MEGF11: variants seen among roughly 807,000 people sequenced by gnomAD.
The protein encoded by MEGF11 is multiple epidermal growth factor-like domains protein 11.
A neutral mutation model predicts 146.6 loss-of-function variants in MEGF11; 126 were observed. The observed-to-expected ratio is 0.86, with a 90% CI of 0.74 to 1.00. The LOEUF (loss-of-function observed/expected upper bound fraction) is 1.00. MEGF11 is among the 50% of genes least tolerant of loss of function. MEGF11 has a pLI of 0.00. For synonymous variants in MEGF11, 532 were observed against 583.4 expected, an observed-to-expected ratio of 0.91 and a Z score of 1.27; for missense variants, 1,509 against 1,521.2, an observed-to-expected ratio of 0.99 and a Z score of 0.13.
chr15:65,912,130 C>A lies in MEGF11; in HGVS notation c.2781G>T (p.Gly927=). ...NSSYHALACG[G]PATSQASTLD... is the part of the protein sequence containing the mutation. ...GAGTGCTGGCCTGGCTGGTGGCAGG[C>A]CCCCCACATGCCAGTGCGTGGTAGC... The change falls in exon 21 of 26, where the codon GGG becomes GGT. Residue 927 remains glycine (G), a synonymous_variant. Transcript: ENST00000395614. 1 of 1,232,056 alleles carries A rather than the reference C, an allele frequency of 8.1e-7. No homozygotes were observed. The highest frequency in any genetic ancestry group is 1.0e-6 in the Non-Finnish European group (1 of 987,976). 76.3% of individuals were successfully genotyped at this position (1,232,056 alleles called of 1,614,324 possible). A position where few individuals can be genotyped will look rare whatever the true frequency, so the allele number is the denominator to read the frequency against.
intron 3 of MEGF11, among the ~76,000 whole-genome samples, chr15:66,119,914 A>G (rs1054379827): frequency 3.9e-5 from 6 of 152,244 alleles, no homozygotes; most frequent in Middle Eastern, 3.4e-3. Flanking sequence ...TATGATCAAC[A>G]TCTCATTCCA....
At chr15:66,250,304 T>A (rs2092352470) in intron 1 of MEGF11, among the ~76,000 whole-genome samples, 1 of 152,218 alleles carries the variant, frequency 6.6e-6, no homozygotes, top group East Asian at 1.9e-4. Context: ...GTCAAATCTT[T>A]CACCTTGGAG....
intron 4 of MEGF11, among the ~76,000 whole-genome samples, chr15:66,111,581 G>T (rs1347813159): frequency 6.6e-6 from 1 of 152,220 alleles, no homozygotes; most frequent in Non-Finnish European, 1.5e-5. Flanking sequence ...CCCAGCGCAG[G>T]CTGGGAGCCA....
intron 4 of MEGF11, among the ~76,000 whole-genome samples, chr15:66,095,156 C>A (rs770773060): frequency 6.6e-6 from 1 of 152,228 alleles, no homozygotes; most frequent in Non-Finnish European, 1.5e-5. Flanking sequence ...GCTGCAGCCT[C>A]CTGAGGTGGG....
chr15:66,074,938 T>C (rs2085511737), intron 5 of MEGF11, among the ~76,000 whole-genome samples: 1 of 152,220 alleles, frequency 6.6e-6, no homozygotes, highest in Admixed American at 6.5e-5. Context: ...TTATTACCCG[T>C]CAAAATATGC....
intron 2 of MEGF11, among the ~76,000 whole-genome samples, chr15:66,127,032 G>C (rs1436415049): frequency 6.6e-6 from 1 of 152,200 alleles, no homozygotes; most frequent in Non-Finnish European, 1.5e-5. Flanking sequence ...TGACGCTTAT[G>C]GCCCTCAAAG....
At position 66,119,086 on chromosome 15, in the gene MEGF11, G is replaced by T. The variant is rs762525595; in HGVS notation, c.301C>A (p.Pro101Thr). The change falls in exon 4 of 26, where the codon CCC becomes ACC. Residue 101 changes from proline to threonine, a missense_variant and splice_region_variant. Coordinates refer to ENST00000395614, the MANE Select transcript of MEGF11 (RefSeq NM_001385028.1). The part of the protein sequence containing the change: ...GYYESGDFCI[P>T]LCTEECVHGR... Reference sequence around the variant, plus strand: ...CAGAACAGCAGCAGCCCCTACATACGTATGCAGAAGTCTCCGCTCTCATAG... The same window carrying T: ...CAGAACAGCAGCAGCCCCTACATACTTATGCAGAAGTCTCCGCTCTCATAG... 2.6e-5 allele frequency: 40 copies of T among 1,545,310 alleles called. 1 individual carries two copies. The South Asian group carries it at 3.9e-4, about 15-fold the overall frequency.
Position 65,964,961 on chromosome 15 carries a change from C to T in MEGF11, c.1059G>A (p.Leu353=), listed in dbSNP as rs1221184284. 6.4e-7 allele frequency: 1 copy of T among 1,573,574 alleles called. No homozygotes were observed. The highest frequency in any genetic ancestry group is 8.6e-7 in the Non-Finnish European group (1 of 1,160,062). ...RCQERLCPEG[L]HGPGCTLPCP... ...AGGGCAGGGTGCAGCCTGGGCCATGCAGGCCCTCCGGGCACAGTCGCTCCT... is the reference window on the plus strand; with the variant it reads ...AGGGCAGGGTGCAGCCTGGGCCATGTAGGCCCTCCGGGCACAGTCGCTCCT... The change falls in exon 9 of 26, where the codon CTG becomes CTA. Residue 353 remains leucine (L), a synonymous_variant. Coordinates refer to ENST00000395614, the MANE Select transcript of MEGF11 (RefSeq NM_001385028.1).
chr15:66,004,665 G>T (rs972967251), intron 5 of MEGF11, among the ~76,000 whole-genome samples: 5 of 152,014 alleles, frequency 3.3e-5, no homozygotes, highest in Non-Finnish European at 2.9e-5. Flanking sequence ...ACTGAATTTG[G>T]GGGTGGTAAG....
chr15:66,090,662 G>T lies in MEGF11; in HGVS notation c.394+3740C>A, dbSNP rs557177242. 3.9e-5 allele frequency among the ~76,000 whole-genome samples: 6 copies of T among 152,330 alleles called. No homozygotes were observed. In the East Asian group the frequency reaches 1.2e-3, roughly 29 times the overall value. ...GCAGGCCCCACGAATCTTGGAAAAA[G>T]GACGGTGGGCCTATGACAGTGAAGA... On this transcript the variant is annotated intron_variant, in intron 5 of 25. Transcript: ENST00000395614.
Position 66,052,212 on chromosome 15 carries a change from A to T in MEGF11, c.394+42190T>A, listed in dbSNP as rs528986573. ...ACTTCCTCCCTGCAACGGGCTCATC[A>T]CTCCTCATTGCTCTCCAGGTGGGGC... On this transcript the variant is annotated intron_variant, in intron 5 of 25. Transcript: ENST00000395614. Among the ~76,000 whole-genome samples, 5 of 151,346 alleles carry T rather than the reference A, an allele frequency of 3.3e-5. No homozygotes were observed. In the South Asian group the frequency reaches 1.0e-3, roughly 32 times the overall value.
chr15:65,900,758 T>G (rs1596809699), intron 24 of MEGF11, among the ~76,000 whole-genome samples: 2 of 152,328 alleles, frequency 1.3e-5, no homozygotes, highest in South Asian at 4.1e-4. Context: ...CCATCACAAT[T>G]TAGCCCAGAA....
chr15:66,072,705 T>A (rs2085418715), intron 5 of MEGF11, among the ~76,000 whole-genome samples: 1 of 152,204 alleles, frequency 6.6e-6, no homozygotes, highest in Non-Finnish European at 1.5e-5. Context: ...GCTGGTCTCC[T>A]CTGAGCTCCT....
intron 1 of MEGF11, among the ~76,000 whole-genome samples, chr15:66,156,869 T>C (rs73469749): frequency 0.022 from 3,423 of 152,160 alleles, 133 homozygotes; most frequent in African/African-American, 0.078. Context: ...GGAAATGAAC[T>C]TCCCCAGGTC....
chr15:66,061,093 T>C (rs2084888832), intron 5 of MEGF11, among the ~76,000 whole-genome samples: 1 of 152,152 alleles, frequency 6.6e-6, no homozygotes, highest in Non-Finnish European at 1.5e-5. Flanking sequence ...GACCTGGGCC[T>C]CAGGAAGGAT....
Position 65,965,032 on chromosome 15 carries a change from T to A in MEGF11, c.988A>T (p.Thr330Ser), listed in dbSNP as rs2081012432. Residue 330 changes from threonine (T) to serine (S), a missense_variant, in exon 9 of 26, where the codon ACG (threonine) becomes TCG (serine). Coordinates refer to ENST00000395614, the MANE Select transcript of MEGF11 (RefSeq NM_001385028.1). ...CHNGGQCSPT[T>S]GACECEPGYK... ...CCAGGCTCACACTCGCAGGCACCCG[T>A]GGTGGGTGAACACTGCCCCCCATTG... 2 of 1,584,816 alleles carry A rather than the reference T, an allele frequency of 1.3e-6. No individual in the cohort carries two copies. The highest frequency in any genetic ancestry group is 2.3e-5 in the South Asian group (2 of 86,578).
intron 9 of MEGF11, among the ~76,000 whole-genome samples, chr15:65,957,984 A>T (rs2080719385): frequency 1.3e-5 from 2 of 152,206 alleles, no homozygotes; most frequent in Non-Finnish European, 2.9e-5. Context: ...ATTAGAACAC[A>T]GGTCTTCTGA....
intron 4 of MEGF11, among the ~76,000 whole-genome samples, chr15:66,105,841 C>T (rs1277933229): frequency 5.9e-5 from 9 of 152,188 alleles, no homozygotes. Context: ...CCCTGTGGAT[C>T]AACAGAGGCC....
chr15:66,191,421 T>TGGCA (rs2090874502), intron 1 of MEGF11, among the ~76,000 whole-genome samples: 1 of 152,224 alleles, frequency 6.6e-6, no homozygotes, highest in Non-Finnish European at 1.5e-5. Flanking sequence ...TCTTAACAGC[T>TGGCA]GGCACCAGGA....
Sources: allele counts gnomAD v4.1 joint callset (sites outside exome capture counted in the v4.1 genomes callset), GRCh38; gene constraint gnomAD v4.1.1; transcripts MANE v1.5; gene names NCBI Gene and HGNC (gene_info 2026-07-23, HGNC 2026-07-21).